CDH2: variants seen among roughly 807,000 people sequenced by gnomAD.
CDH2 encodes cadherin 2.
In CDH2, 17 loss-of-function variants were observed where a neutral mutation model predicts 92.0. The observed-to-expected ratio is 0.18, with a 90% CI of 0.13 to 0.28. The LOEUF (loss-of-function observed/expected upper bound fraction) is 0.28. CDH2 is among the 10% of genes least tolerant of loss of function. The pLI is 1.00. For synonymous variants in CDH2, 419 were observed against 415.9 expected, an observed-to-expected ratio of 1.01 and a Z score of -0.09; for missense variants, 862 against 1,133.1, an observed-to-expected ratio of 0.76 and a Z score of 3.44.
At chr18:27,968,766 A>G (rs750672599) in intron 14 of CDH2, among the ~76,000 whole-genome samples, 50 of 152,236 alleles carry the variant, frequency 3.3e-4, no homozygotes, top group Non-Finnish European at 7.1e-4. Context: ...AACATTAAAA[A>G]TGTTTCAAGA....
At chr18:28,126,826 G>A (rs2015685157) in intron 2 of CDH2, among the ~76,000 whole-genome samples, 1 of 152,176 alleles carries the variant, frequency 6.6e-6, no homozygotes, top group Admixed American at 6.5e-5. Context: ...TCCTAAAATT[G>A]AAAGGTGGAC....
intron 2 of CDH2, among the ~76,000 whole-genome samples, chr18:28,035,112 G>A (rs998333540): frequency 2.0e-5 from 3 of 152,004 alleles, no homozygotes; most frequent in African/African-American, 7.2e-5. Flanking sequence ...AAGTTCCTTA[G>A]GAGATATGTG....
chr18:27,997,210 G>A (rs958420261), intron 7 of CDH2, among the ~76,000 whole-genome samples: 20 of 152,128 alleles, frequency 1.3e-4, no homozygotes, highest in Non-Finnish European at 7.3e-5. Flanking sequence ...TCTTATGCAC[G>A]TGCAGCACAA....
At chr18:28,122,165 TTATACC>T (rs1316311280) in intron 2 of CDH2, among the ~76,000 whole-genome samples, 1 of 152,094 alleles carries the variant, frequency 6.6e-6, no homozygotes, top group Non-Finnish European at 1.5e-5. Flanking sequence ...TTCATCTAAT[TTATACC>T]TATGTTTTAA....
rs565334328 is a variant in CDH2, at chr18:28,025,383, C to T, written c.173-11474G>A. On this transcript the variant is annotated intron_variant, in intron 2 of 15. Transcript: ENST00000269141. ...AATACAAAAAATTAGCCAGGCGTGG[C>T]GGTGTACACCTGTAGTCCCAGCTAC... 1.4e-3 allele frequency among the ~76,000 whole-genome samples: 216 copies of T among 151,620 alleles called. No individual in the cohort carries two copies. In the South Asian group the frequency reaches 0.018, roughly 13 times the overall value.
intron 2 of CDH2, among the ~76,000 whole-genome samples, chr18:28,038,170 T>C (rs2144100088): frequency 6.6e-6 from 1 of 152,274 alleles, no homozygotes; most frequent in South Asian, 2.1e-4. Context: ...AGACCTATAG[T>C]CCCAGCAATT....
chr18:28,020,554 G>C (rs2013382229), intron 2 of CDH2, among the ~76,000 whole-genome samples: 1 of 151,912 alleles, frequency 6.6e-6, no homozygotes, highest in African/African-American at 2.4e-5. Flanking sequence ...TTTTCCTTAT[G>C]AATGGCAGGT....
intron 2 of CDH2, among the ~76,000 whole-genome samples, chr18:28,068,151 G>T (rs1415872367): frequency 6.6e-6 from 1 of 152,090 alleles, no homozygotes; most frequent in Non-Finnish European, 1.5e-5. Flanking sequence ...GGATCCCACC[G>T]CTGAGTCCAT....
intron 2 of CDH2, among the ~76,000 whole-genome samples, chr18:28,137,040 A>G (rs1390789895): frequency 6.6e-6 from 1 of 152,204 alleles, no homozygotes; most frequent in Non-Finnish European, 1.5e-5. Context: ...ACTAGAAAAA[A>G]AAGTTGAACT....
intron 2 of CDH2, among the ~76,000 whole-genome samples, chr18:28,111,275 C>T (rs904838695): frequency 6.6e-6 from 1 of 152,226 alleles, no homozygotes; most frequent in African/African-American, 2.4e-5. Flanking sequence ...CTGACCTAGA[C>T]AGAGATATTT....
intron 2 of CDH2, among the ~76,000 whole-genome samples, chr18:28,092,917 G>A (rs2015062719): frequency 6.6e-6 from 1 of 152,052 alleles, no homozygotes; most frequent in Non-Finnish European, 1.5e-5. Flanking sequence ...TTTACATTTT[G>A]TGCTCTTTCA....
chr18:27,992,130 C>A (rs1248702968), intron 9 of CDH2, among the ~76,000 whole-genome samples: 1 of 152,188 alleles, frequency 6.6e-6, no homozygotes, highest in Non-Finnish European at 1.5e-5. Context: ...CTTGCCTACT[C>A]ATTACATTTT....
At chr18:28,136,271 A>G (rs1199466829) in intron 2 of CDH2, among the ~76,000 whole-genome samples, 3 of 152,178 alleles carry the variant, frequency 2.0e-5, no homozygotes, top group African/African-American at 7.2e-5. Context: ...CTCTTTGCCA[A>G]AAATGTCTGT....
At chr18:28,087,128 T>C (rs566068432) in intron 2 of CDH2, among the ~76,000 whole-genome samples, 2 of 152,318 alleles carry the variant, frequency 1.3e-5, no homozygotes, top group South Asian at 2.1e-4. Flanking sequence ...TACTTATACT[T>C]TGAAATGCTA....
rs541491971 is a variant in CDH2 at position 27,932,890 on chromosome 18, A to AT, written c.*201dup. ...AGGAAGCCAGATAATATATTCATGC[A>AT]TTTTTTATTTTAGAGATAAATAATA... On this transcript the variant is annotated 3_prime_UTR_variant, in exon 7 of 7. Coordinates refer to the CDH2 transcript ENST00000675173. Among the ~76,000 whole-genome samples the AT allele has an allele frequency of 4.4e-3, 669 of 152,282 alleles. 6 individuals carry two copies. Among genetic ancestry groups the AT allele is most frequent in the African/African-American group, 0.015 (624 of 41,566 alleles).
chr18:27,985,620 T>C lies in CDH2; in HGVS notation c.1883A>G (p.Tyr628Cys), dbSNP rs753064228. ...PNSINITALD[Y>C]DIDPNAGPFA... ...TGGTCCAGCATTTGGATCAATGTCA[T>C]AATCAAGTGCTGTAATATTAATTGA... is the stretch of plus-strand genomic sequence containing the variant. The change falls in exon 12 of 16, where the codon TAT (tyrosine) becomes TGT (cysteine). Residue 628 changes from tyrosine to cysteine, a missense_variant. Coordinates refer to ENST00000269141, the MANE Select transcript of CDH2 (RefSeq NM_001792.5). 6.2e-6 allele frequency: 10 copies of C among 1,613,872 alleles called. No individual in the cohort carries two copies. In the Admixed American group the frequency reaches 1.7e-4, roughly 27 times the overall value.
At chr18:27,965,051 A>G (rs926832398) in intron 14 of CDH2, among the ~76,000 whole-genome samples, 2 of 152,216 alleles carry the variant, frequency 1.3e-5, no homozygotes, top group Admixed American at 1.3e-4. Flanking sequence ...TCTCACTATC[A>G]ATGGTGCCTA....
At chr18:28,022,396 AT>A (rs1346991747) in intron 2 of CDH2, among the ~76,000 whole-genome samples, 1 of 152,082 alleles carries the variant, frequency 6.6e-6, no homozygotes, top group African/African-American at 2.4e-5. Context: ...TATGCATAAA[AT>A]TTCCAACTGA....
intron 2 of CDH2, among the ~76,000 whole-genome samples, chr18:28,101,978 C>G (rs1335877321): frequency 2.0e-5 from 3 of 152,036 alleles, no homozygotes; most frequent in African/African-American, 7.2e-5. Flanking sequence ...TCAAATTGCT[C>G]AAGAGAAAAA....
Sources: gnomAD v4.1 joint callset for allele counts (sites outside exome capture counted in the v4.1 genomes callset) on GRCh38, gnomAD v4.1.1 for gene constraint, MANE v1.5 for transcripts, NCBI Gene and HGNC (gene_info 2026-07-23, HGNC 2026-07-21) for gene names.